The following KIAA1549 variants were observed in gnomAD, a reference collection of about 807,000 sequenced individuals.
KIAA1549 encodes the protein KIAA1549.
A neutral mutation model predicts 156.4 loss-of-function variants in KIAA1549; 70 were observed. That is an observed-to-expected ratio of 0.45 (90% CI 0.37 to 0.55). KIAA1549 has a LOEUF of 0.55. Among genes scored for constraint, KIAA1549 ranks in the 20% least tolerant of loss-of-function variants. KIAA1549 has a pLI of 0.00. For synonymous variants in KIAA1549, 1,103 were observed against 1,066.4 expected (o/e 1.03, Z -0.67); for missense variants, 2,428 against 2,540.9 (o/e 0.96, Z 0.96).
intron 4 of KIAA1549, among the ~76,000 whole-genome samples, chr7:138,910,700 AT>A (rs10686011): frequency 7.4e-4 from 83 of 112,014 alleles, no homozygotes; most frequent in Middle Eastern, 6.3e-3. Flanking sequence ...ACTTGGTCTA[AT>A]TTTTTTTTTT....
intron 1 of KIAA1549, among the ~76,000 whole-genome samples, chr7:138,938,074 G>A (rs780877227): frequency 2.6e-5 from 4 of 152,114 alleles, no homozygotes; most frequent in Non-Finnish European, 5.9e-5. Flanking sequence ...CCTTTGGAAG[G>A]TGACTAGGTC....
At position 138,834,689 on chromosome 7, in the gene KIAA1549, C is replaced by G. The variant is rs956191915; in HGVS notation, c.*3217G>C. 1 of 232,506 alleles carries G rather than the reference C, an allele frequency of 4.3e-6. No individual in the cohort carries two copies. The highest frequency in any genetic ancestry group is 8.5e-6 in the Non-Finnish European group (1 of 117,648). 14.4% of individuals were successfully genotyped at this position (232,506 alleles called of 1,614,324 possible). On this transcript the variant is annotated 3_prime_UTR_variant, in exon 20 of 20. Coordinates refer to ENST00000422774, the MANE Select transcript of KIAA1549 (RefSeq NM_001164665.2). ...ATGGGAGTGAGGAAACTGAGTCACA[C>G]CGAGCTTTCGGTTTTGCTCATTACC... is the stretch of plus-strand genomic sequence containing the variant.
chr7:138,937,553 G>A (rs970296723), intron 1 of KIAA1549, among the ~76,000 whole-genome samples: 1 of 152,202 alleles, frequency 6.6e-6, no homozygotes, highest in African/African-American at 2.4e-5. Flanking sequence ...AGACTGGTAA[G>A]GAAATAAGCA....
At chr7:138,893,310 G>T (rs932068896) in intron 10 of KIAA1549, among the ~76,000 whole-genome samples, 2 of 148,104 alleles carry the variant, frequency 1.4e-5, no homozygotes, top group Non-Finnish European at 2.9e-5. Flanking sequence ...GATAGGGAGT[G>T]GGGGGAGGTA....
intron 10 of KIAA1549, among the ~76,000 whole-genome samples, chr7:138,893,668 T>G (rs1811604086): frequency 6.6e-6 from 1 of 152,116 alleles, no homozygotes; most frequent in Non-Finnish European, 1.5e-5. Context: ...CCAAATAGGG[T>G]GAACAGAAAA....
At chr7:138,888,180 T>A (rs1002271234) in intron 10 of KIAA1549, among the ~76,000 whole-genome samples, 3 of 152,216 alleles carry the variant, frequency 2.0e-5, no homozygotes, top group African/African-American at 7.2e-5. Context: ...GGCACCCTTG[T>A]CCACGGGGAC....
chr7:138,974,503 G>A (rs1351531221), intron 1 of KIAA1549, among the ~76,000 whole-genome samples: 1 of 152,066 alleles, frequency 6.6e-6, no homozygotes, highest in Non-Finnish European at 1.5e-5. Flanking sequence ...CGCGATCTCA[G>A]CTCACCGCAA....
At chr7:138,961,080 C>T (rs1255066267) in intron 1 of KIAA1549, among the ~76,000 whole-genome samples, 1 of 152,238 alleles carries the variant, frequency 6.6e-6, no homozygotes, top group Non-Finnish European at 1.5e-5. Context: ...ATCTGTCCTG[C>T]ACTTGGATCC....
At chr7:138,924,547 G>A (rs1812658134) in intron 1 of KIAA1549, among the ~76,000 whole-genome samples, 1 of 152,176 alleles carries the variant, frequency 6.6e-6, no homozygotes, top group African/African-American at 2.4e-5. Context: ...TCTAAGGACA[G>A]GGTACGGGGA....
rs746026889 is a variant in KIAA1549 at position 138,844,460 on chromosome 7, G to A, written c.5309C>T (p.Pro1770Leu). Residue 1770 changes from proline to leucine, a missense_variant, in exon 18 of 20, where the codon CCC (proline) becomes CTC (leucine). By Grantham distance (98) the Pro-to-Leu change is moderately conservative. This residue lies in a region of KIAA1549 where 363 missense variants were observed against 354.0 expected (regional missense o/e 1.03). Transcript: ENST00000422774. Reference protein sequence around the residue: ...TGPLPRPGFGPGLLQSTELVP... With the variant: ...TGPLPRPGFGLGLLQSTELVP... The stretch of plus-strand genomic sequence containing the variant: ...CAGCTCTGTAGACTGCAGCAAACCG[G>A]GGCCAAAACCTGGTCTGAAGGCAAA... 2.0e-6 allele frequency: 3 copies of A among 1,535,304 alleles called. No homozygotes were observed. In the East Asian group the frequency reaches 6.9e-5, roughly 35 times the overall value.
intron 1 of KIAA1549, among the ~76,000 whole-genome samples, chr7:138,958,093 C>G (rs893185249): frequency 7.9e-5 from 12 of 152,212 alleles, no homozygotes; most frequent in Non-Finnish European, 1.6e-4. Context: ...CGTCTTTGCA[C>G]GACTGTTATC....
At position 138,916,800 on chromosome 7, in the gene KIAA1549, C is replaced by T. The variant is rs777240021; in HGVS notation, c.2826G>A (p.Lys942=). The change falls in exon 2 of 20, where the codon AAG becomes AAA. Residue 942 remains lysine (K), a synonymous_variant. Coordinates refer to ENST00000422774, the MANE Select transcript of KIAA1549 (RefSeq NM_001164665.2). The stretch of plus-strand genomic sequence containing the variant: ...CTGTGATATCACAAACATATGGCGG[C>T]TTGGCAGTAGCCAGTGTTGGTGTGT... ...TVDTPTLATA[K]PPYVCDITVP... 6.8e-6 allele frequency: 11 copies of T among 1,613,792 alleles called. No homozygotes were observed. The highest frequency in any genetic ancestry group is 8.5e-6 in the Non-Finnish European group (10 of 1,179,864).
At position 138,861,236 on chromosome 7, in the gene KIAA1549, C is replaced by A; in HGVS notation, c.5150G>T (p.Gly1717Val). 1 of 1,612,196 alleles carries A rather than the reference C, an allele frequency of 6.2e-7. No individual in the cohort carries two copies. The highest frequency in any genetic ancestry group is 8.5e-7 in the Non-Finnish European group (1 of 1,179,514). Residue 1717 changes from glycine (G) to valine (V), a missense_variant, in exon 16 of 20, where the codon GGC becomes GTC. Physicochemically the swap from Gly to Val is moderately radical, Grantham distance 109. Around this residue, in one of 5 missense-constraint regions of KIAA1549, gnomAD observed 363 missense variants for 354.0 expected, o/e 1.03. Transcript: ENST00000422774. ...GGAAGGGGTGCTGTTTGCGGGCAGG[C>A]CGGGTGGGACTCCGGGGCCTACACC... ...TAGVGPGVPP[G>V]LPANSTPSQE...
intron 9 of KIAA1549, among the ~76,000 whole-genome samples, chr7:138,895,306 T>C (rs767827363): frequency 5.9e-5 from 9 of 152,230 alleles, no homozygotes; most frequent in Admixed American, 3.9e-4. Context: ...CCTTCAGCAA[T>C]GAAAAATGAC....
intron 1 of KIAA1549, among the ~76,000 whole-genome samples, chr7:138,966,585 G>A (rs555886695): frequency 2.0e-5 from 3 of 152,012 alleles, no homozygotes; most frequent in South Asian, 2.1e-4. Context: ...GGGAGGCTAA[G>A]CCAGTCTAGT....
In KIAA1549 at chr7:138,879,591, T is replaced by C. The variant is rs377594285; in HGVS notation, c.4292A>G (p.Asp1431Gly). Residue 1431 changes from aspartate to glycine, a missense_variant, in exon 12 of 20, where the codon GAT (aspartate) becomes GGT (glycine). Transcript: ENST00000422774. ...ATCGTTGACGGCTCCCGGCGTCTTA[T>C]CTCCTGCGTCCCTCTCGCTGGACTC... ...SEESSERDAG[D>G]KTPGAVNDGR... 3 of 1,569,114 alleles carry C rather than the reference T, an allele frequency of 1.9e-6. No individual in the cohort carries two copies. The highest frequency in any genetic ancestry group is 2.6e-6 in the Non-Finnish European group (3 of 1,156,880).
rs1408937771 is a variant in KIAA1549 at position 138,903,834 on chromosome 7, TGTGTGTGTGTGTGTGTGTGCGC to T, written c.3521-120_3521-99del. ...GTGTGTGTGTGTGTGTGTGTGTGTG[TGTGTGTGTGTGTGTGTGTGCGC>T]GCGCGCGCGCGCGCACATATGTATT... On this transcript the variant is annotated intron_variant, in intron 7 of 19. Transcript: ENST00000422774. 204 of 470,932 alleles carry T rather than the reference TGTGTGTGTGTGTGTGTGTGCGC, an allele frequency of 4.3e-4. 2 individuals are homozygous for T. The highest frequency in any genetic ancestry group is 4.2e-3 in the African/African-American group (62 of 14,874). The allele number at this position is 470,932 out of a possible 1,614,324, so 29.2% of individuals were successfully genotyped here. A position where few individuals can be genotyped will look rare whatever the true frequency, so the allele number is the denominator to read the frequency against.
intron 12 of KIAA1549, among the ~76,000 whole-genome samples, chr7:138,872,647 G>A (rs1810973841): frequency 6.6e-6 from 1 of 152,222 alleles, no homozygotes; most frequent in South Asian, 2.1e-4. Context: ...GCTCATGCCT[G>A]TCATCCCAGC....
intron 1 of KIAA1549, among the ~76,000 whole-genome samples, chr7:138,942,573 T>G (rs1813215076): frequency 6.6e-6 from 1 of 151,670 alleles, no homozygotes; most frequent in Non-Finnish European, 1.5e-5. Context: ...GCACCAGCCT[T>G]CTCAAGCACT....
Sources: allele counts gnomAD v4.1 joint callset (sites outside exome capture counted in the v4.1 genomes callset), GRCh38; gene constraint gnomAD v4.1.1; regional missense constraint gnomAD v4.1.1; transcripts MANE v1.5; gene names NCBI Gene and HGNC (gene_info 2026-07-23, HGNC 2026-07-21).